The following GCFC2 variants were observed in gnomAD, a reference collection of about 807,000 sequenced individuals.
GCFC2 encodes the protein intron Large complex component GCFC2.
Under a neutral mutation model 99.4 loss-of-function variants are expected in GCFC2, and 102 were observed. The ratio of observed to expected loss-of-function variants is 1.03; its 90% CI spans 0.87 to 1.21. GCFC2 has a LOEUF of 1.21. Among genes scored for constraint, GCFC2 ranks in the 50% most tolerant of loss-of-function variants. The pLI is 0.00. For synonymous variants in GCFC2, 338 were observed against 316.8 expected, an observed-to-expected ratio of 1.07 and a Z score of -0.71; for missense variants, 973 against 920.9, an observed-to-expected ratio of 1.06 and a Z score of -0.73.
chr2:75,701,270 TTTC>T lies in GCFC2; in HGVS notation c.634_636del (p.Glu212del). The T allele has an allele frequency of 6.2e-7, 1 of 1,601,422 alleles. No homozygotes were observed. On this transcript the variant is annotated inframe_deletion, in exon 4 of 17. Transcript: ENST00000321027. ...TCATCTTCCTGACTTTCTTCACTTG[TTTC>T]TTCATTTCTGCTTACTAGCGGAAAA...
chr2:75,700,360 G>A (rs1372455352), intron 4 of GCFC2, among the ~76,000 whole-genome samples: 3 of 151,908 alleles, frequency 2.0e-5, no homozygotes, highest in African/African-American at 7.3e-5. Context: ...TTACCATAGG[G>A]TTCACTACAA....
intron 11 of GCFC2, among the ~76,000 whole-genome samples, chr2:75,686,738 T>A (rs538385961): frequency 6.6e-6 from 1 of 152,262 alleles, no homozygotes; most frequent in East Asian, 1.9e-4. Flanking sequence ...AGGAAGACCC[T>A]GTCTCAAAAA....
rs777520152 is a variant in GCFC2, at chr2:75,690,113, A to G, written c.1227-32T>C. The G allele has an allele frequency of 6.5e-5, 81 of 1,255,456 alleles. No homozygotes were observed. The East Asian group carries it at 1.9e-3, about 29-fold the overall frequency. 77.8% of individuals were successfully genotyped at this position (1,255,456 alleles called of 1,614,324 possible). ...TTTGCAACAAACCAAAAATAAACAA[A>G]AAGTAAGTAGTTCTTGCTGAAAATA... On this transcript the variant is annotated intron_variant, in intron 8 of 16. Transcript: ENST00000321027.
chr2:75,699,918 T>C (rs916253036), intron 4 of GCFC2, among the ~76,000 whole-genome samples: 1 of 148,092 alleles, frequency 6.8e-6, no homozygotes, highest in Non-Finnish European at 1.5e-5. Context: ...TTTTCTTAAA[T>C]GAGACAGGGT....
At position 75,702,899 on chromosome 2, in the gene GCFC2, C is replaced by T. The variant is rs138864726; in HGVS notation, c.395-476G>A. Among the ~76,000 whole-genome samples the T allele has an allele frequency of 2.1e-3, 323 of 152,238 alleles. 2 individuals carry two copies. The highest frequency in any genetic ancestry group is 7.4e-3 in the African/African-American group (309 of 41,544). ...TGATGTCCTCCTTCCTCCTTCCCTC[C>T]TACCCACACTTACAAGAAATCACAA... On this transcript the variant is annotated intron_variant, in intron 2 of 16. Transcript: ENST00000321027.
intron 3 of GCFC2, 64 bp from the exon 4 acceptor site, chr2:75,701,351 AC>A (rs1442889031): frequency 1.1e-6 from 1 of 891,898 alleles, no homozygotes; most frequent in African/African-American, 1.6e-5. Flanking sequence ...CAGCAAGCCA[AC>A]ATTTTTTGAG....
Position 75,710,807 on chromosome 2 carries a change from T to C in GCFC2, c.49A>G (p.Ser17Gly). 2 of 1,579,278 alleles carry C rather than the reference T, an allele frequency of 1.3e-6. No homozygotes were observed. Among genetic ancestry groups the C allele is most frequent in the Non-Finnish European group, 8.6e-7 (1 of 1,169,394 alleles). ...RTFRQRAADS[S>G]DSDGAEESPA... is the part of the protein sequence containing the mutation. ...GACTCCTCGGCGCCATCGCTGTCGC[T>C]GGAATCAGCCGCGCGCTGCCGAAAA... Residue 17 changes from serine to glycine, a missense_variant, in exon 1 of 17, where the codon AGC becomes GGC. Ser to Gly is a moderately conservative substitution (Grantham distance 56). Coordinates refer to ENST00000321027, the MANE Select transcript of GCFC2 (RefSeq NM_003203.5).
intron 4 of GCFC2, among the ~76,000 whole-genome samples, chr2:75,698,990 C>T (rs372024934): frequency 6.2e-5 from 9 of 144,106 alleles, no homozygotes; most frequent in African/African-American, 2.4e-4. Flanking sequence ...CCAGCCTAGG[C>T]GACAAAGAGA....
At chr2:75,675,849 T>C (rs1679313238) in intron 12 of GCFC2, among the ~76,000 whole-genome samples, 1 of 152,216 alleles carries the variant, frequency 6.6e-6, no homozygotes, top group Non-Finnish European at 1.5e-5. Flanking sequence ...ATCATTTGTT[T>C]GATGGAAAAT....
chr2:75,665,091 G>A (rs1678775004), intron 16 of GCFC2, among the ~76,000 whole-genome samples: 1 of 152,112 alleles, frequency 6.6e-6, no homozygotes, highest in African/African-American at 2.4e-5. Context: ...AGACATTGTG[G>A]TGGAAGCAAT....
intron 4 of GCFC2, among the ~76,000 whole-genome samples, chr2:75,698,702 C>A (rs1292979165): frequency 1.3e-5 from 2 of 151,968 alleles, no homozygotes; most frequent in Admixed American, 1.3e-4. Context: ...GCTCTTAGTT[C>A]ACAGTTACAT....
At chr2:75,679,727 G>C in intron 12 of GCFC2, 1 of 398,596 alleles carries the variant, frequency 2.5e-6, no homozygotes, top group Non-Finnish European at 4.4e-6. Context: ...TCTTCCTTTA[G>C]AAGAAATGAA....
chr2:75,695,211 G>A (rs1253598303), intron 5 of GCFC2, among the ~76,000 whole-genome samples: 1 of 151,996 alleles, frequency 6.6e-6, no homozygotes, highest in Non-Finnish European at 1.5e-5. Flanking sequence ...ACACATACAT[G>A]CTTATATGTT....
At chr2:75,685,713 T>A (rs1679782540) in intron 11 of GCFC2, among the ~76,000 whole-genome samples, 1 of 152,152 alleles carries the variant, frequency 6.6e-6, no homozygotes, top group African/African-American at 2.4e-5. Context: ...AAATGTCATG[T>A]GGATAAATTC....
rs569317467 is a variant in GCFC2 at position 75,692,082 on chromosome 2, T to C, written c.1039A>G (p.Ile347Val). Residue 347 changes from isoleucine to valine, a missense_variant, in exon 7 of 17, where the codon ATA becomes GTA. Physicochemically the swap from Ile to Val is conservative, Grantham distance 29. Transcript: ENST00000321027. ...AGGAGTGCATGCATGGATGATTCTA[T>C]TTCTTGGATGTTGATAATCTGAAAT... ...LNEKIINIQE[I>V]ESSMHALLLK... The C allele has an allele frequency of 1.7e-5, 25 of 1,497,678 alleles. No homozygotes were observed. In the East Asian group the frequency reaches 5.4e-4, roughly 32 times the overall value. 92.8% of individuals were successfully genotyped at this position (1,497,678 alleles called of 1,614,324 possible). A position where few individuals can be genotyped will look rare whatever the true frequency, so the allele number is the denominator to read the frequency against.
At position 75,667,162 on chromosome 2, in the gene GCFC2, G is replaced by A. The variant is rs11898853; in HGVS notation, c.2104-1109C>T. The stretch of plus-strand genomic sequence containing the variant: ...GCAGGTTCTTAATGGGTTGGTTTTT[G>A]CATTCCAGTTTTGTACTCAGGCACC... On this transcript the variant is annotated intron_variant, in intron 15 of 16. Transcript: ENST00000321027. 3.1e-3 allele frequency among the ~76,000 whole-genome samples: 471 copies of A among 152,226 alleles called. 3 individuals carry two copies. Among genetic ancestry groups the A allele is most frequent in the African/African-American group, 0.011 (453 of 41,540 alleles).
chr2:75,674,588 T>C (rs73936779), intron 12 of GCFC2, among the ~76,000 whole-genome samples: 1,999 of 152,140 alleles, frequency 0.013, 36 homozygotes, highest in African/African-American at 0.045. Flanking sequence ...TTTTTTCATA[T>C]ATTAGCAATA....
At position 75,673,507 on chromosome 2, in the gene GCFC2, G is replaced by C. The variant is rs776875180; in HGVS notation, c.1826C>G (p.Ser609Cys). ...VSKSRQDLLK[S>C]IVSRMKKAVE... ...TGCCTTTTTCATTCTTGAAACAATG[G>C]ATTTAAGTAAATCCTATTATTACAA... The change falls in exon 13 of 17, where the codon TCC becomes TGC. Residue 609 changes from serine (S) to cysteine (C), a missense_variant. Coordinates refer to ENST00000321027, the MANE Select transcript of GCFC2 (RefSeq NM_003203.5). 1 of 1,291,932 alleles carries C rather than the reference G, an allele frequency of 7.7e-7. No individual in the cohort carries two copies. The highest frequency in any genetic ancestry group is 1.5e-5 in the African/African-American group (1 of 68,688). The allele number at this position is 1,291,932 out of a possible 1,614,324, so 80.0% of individuals were successfully genotyped here. A position where few individuals can be genotyped will look rare whatever the true frequency, so the allele number is the denominator to read the frequency against.
At position 75,692,086 on chromosome 2, in the gene GCFC2, T is replaced by G; in HGVS notation, c.1035A>C (p.Gln345His). ...DCLNEKIINI[Q>H]EIESSMHALL... ...GTGCATGCATGGATGATTCTATTTC[T>G]TGGATGTTGATAATCTGAAATACAC... The change falls in exon 7 of 17, where the codon CAA (glutamine) becomes CAC (histidine). Residue 345 changes from glutamine to histidine, a missense_variant. Coordinates refer to ENST00000321027, the MANE Select transcript of GCFC2 (RefSeq NM_003203.5). 1.3e-6 allele frequency: 2 copies of G among 1,490,662 alleles called. No individual in the cohort carries two copies. Among genetic ancestry groups the G allele is most frequent in the Non-Finnish European group, 1.8e-6 (2 of 1,104,134 alleles). The allele number at this position is 1,490,662 out of a possible 1,614,324, so 92.3% of individuals were successfully genotyped here. A position where few individuals can be genotyped will look rare whatever the true frequency, so the allele number is the denominator to read the frequency against.
Sources: gnomAD v4.1 joint callset for allele counts (sites outside exome capture counted in the v4.1 genomes callset) on GRCh38, gnomAD v4.1.1 for gene constraint, MANE v1.5 for transcripts, NCBI Gene and HGNC (gene_info 2026-07-23, HGNC 2026-07-21) for gene names.